The following CTNNB1 variants were observed in gnomAD, a reference collection of about 807,000 sequenced individuals.
CTNNB1 encodes the protein catenin beta-1.
A neutral mutation model predicts 82.5 loss-of-function variants in CTNNB1; 6 were observed. The ratio of observed to expected loss-of-function variants is 0.07; its 90% CI spans 0.04 to 0.14. The LOEUF (loss-of-function observed/expected upper bound fraction) is 0.14, where lower values mean the gene tolerates loss of function less well. Among genes scored for constraint, CTNNB1 ranks in the 10% least tolerant of loss-of-function variants. The pLI is 1.00. For synonymous variants in CTNNB1, 312 were observed against 329.7 expected, an observed-to-expected ratio of 0.95 and a Z score of 0.58; for missense variants, 529 against 980.4, an observed-to-expected ratio of 0.54 and a Z score of 6.15.
At chr3:41,226,142 G>C (rs1203760123) in intron 6 of CTNNB1, among the ~76,000 whole-genome samples, 1 of 152,146 alleles carries the variant, frequency 6.6e-6, no homozygotes, top group African/African-American at 2.4e-5. Flanking sequence ...CAGTTGATCT[G>C]ACAGGAGGTA....
intron 7 of CTNNB1, among the ~76,000 whole-genome samples, chr3:41,232,297 T>C (rs1248696246): frequency 6.6e-6 from 1 of 152,112 alleles, no homozygotes; most frequent in African/African-American, 2.4e-5. Context: ...AGGTAGTCAT[T>C]TCACAAATAC....
chr3:41,203,209 A>AT (rs112495114), intron 1 of CTNNB1, among the ~76,000 whole-genome samples: 140 of 146,772 alleles, frequency 9.5e-4, no homozygotes, highest in South Asian at 7.9e-3. Flanking sequence ...AATGCTTGTG[A>AT]TTTTTTTTTT....
intron 1 of CTNNB1, among the ~76,000 whole-genome samples, chr3:41,208,392 T>C (rs2077698476): frequency 6.6e-6 from 1 of 152,214 alleles, no homozygotes; most frequent in Non-Finnish European, 1.5e-5. Context: ...CTACCCTAAC[T>C]CAACTACATA....
In CTNNB1 at chr3:41,240,362, T is replaced by A. The variant is rs893558096; in HGVS notation, c.*1020T>A. On this transcript the variant is annotated 3_prime_UTR_variant, in exon 15 of 15. Transcript: ENST00000349496. ...TACCAGTTGCCTTTTATCCCAAAGT[T>A]GTTGTAACCTGCTGTGATACGATGC... 1.6e-5 allele frequency: 3 copies of A among 187,340 alleles called. No individual in the cohort carries two copies. The highest frequency in any genetic ancestry group is 4.7e-5 in the African/African-American group (2 of 42,782). 11.6% of individuals were successfully genotyped at this position (187,340 alleles called of 1,614,324 possible).
intron 1 of CTNNB1, among the ~76,000 whole-genome samples, chr3:41,215,635 T>C (rs533689617): frequency 1.3e-5 from 2 of 152,244 alleles, no homozygotes; most frequent in African/African-American, 4.8e-5. Context: ...AATTTCTTTC[T>C]TTAAAAGGTC....
In CTNNB1 at chr3:41,200,905, G is replaced by A. The variant is rs188311204; in HGVS notation, c.-49+1235G>A. ...CCCCCACCCCTCGAGTTTGTGAGTG[G>A]TGAATGAAGAAAGACTAGGCTGCTG... On this transcript the variant is annotated intron_variant, in intron 1 of 14. Coordinates refer to ENST00000349496, the MANE Select transcript of CTNNB1 (RefSeq NM_001904.4). 3.3e-4 allele frequency among the ~76,000 whole-genome samples: 51 copies of A among 152,296 alleles called. No individual in the cohort carries two copies. In the East Asian group the frequency reaches 7.1e-3, roughly 21 times the overall value.
chr3:41,204,256 A>AT (rs2077597388), intron 1 of CTNNB1, among the ~76,000 whole-genome samples: 1 of 152,004 alleles, frequency 6.6e-6, no homozygotes, highest in South Asian at 2.1e-4. Flanking sequence ...TTCTGTTCTG[A>AT]TTTTTCAAGA....
intron 1 of CTNNB1, among the ~76,000 whole-genome samples, chr3:41,217,704 A>G (rs980856014): frequency 2.6e-5 from 4 of 152,202 alleles, no homozygotes; most frequent in Non-Finnish European, 4.4e-5. Flanking sequence ...TATTAGCAGT[A>G]GATATTATCA....
chr3:41,224,653 T>C lies in CTNNB1; in HGVS notation c.141T>C (p.Ser47=). The C allele has an allele frequency of 1.9e-6, 3 of 1,613,936 alleles. No homozygotes were observed. Among genetic ancestry groups the C allele is most frequent in the Non-Finnish European group, 2.5e-6 (3 of 1,179,960 alleles). The change falls in exon 3 of 15, where the codon AGT becomes AGC. Residue 47 remains serine (S), a synonymous_variant. Transcript: ENST00000349496. ...CCACTACCACAGCTCCTTCTCTGAGTGGTAAAGGCAATCCTGAGGAAGAGG... is the reference window on the plus strand; with the variant it reads ...CCACTACCACAGCTCCTTCTCTGAGCGGTAAAGGCAATCCTGAGGAAGAGG... The part of the protein sequence containing the change: ...SGATTTAPSL[S]GKGNPEEEDV...
intron 7 of CTNNB1, among the ~76,000 whole-genome samples, chr3:41,231,618 A>G (rs3774370): frequency 0.03 from 4,538 of 152,296 alleles, 108 homozygotes; most frequent in African/African-American, 0.068. Flanking sequence ...AAGTATTTCT[A>G]TTATCTTAAA....
chr3:41,224,773 T>G lies in CTNNB1; in HGVS notation c.241+20T>G, dbSNP rs375741392. 271 of 1,608,110 alleles carry G rather than the reference T, an allele frequency of 1.7e-4. No individual in the cohort carries two copies. The highest frequency in any genetic ancestry group is 2.2e-4 in the Non-Finnish European group (259 of 1,175,020). On this transcript the variant is annotated intron_variant, in intron 3 of 14. Coordinates refer to ENST00000349496, the MANE Select transcript of CTNNB1 (RefSeq NM_001904.4). The stretch of plus-strand genomic sequence containing the variant: ...TAGCTGGTAAGAGTATTATTTTTCA[T>G]TGCCTTACTGAAAGTCAGAATGCAG...
At chr3:41,222,629 G>A (rs888170029) in intron 1 of CTNNB1, among the ~76,000 whole-genome samples, 2 of 152,172 alleles carry the variant, frequency 1.3e-5, no homozygotes, top group Non-Finnish European at 2.9e-5. Context: ...TACTAGGTCA[G>A]CCCACACAGA....
chr3:41,236,819 C>G (rs1559477371), intron 13 of CTNNB1, 110 bp downstream of exon 13: 4 of 1,439,220 alleles, frequency 2.8e-6, no homozygotes, highest in Non-Finnish European at 3.9e-6. Context: ...TGATGTTTCC[C>G]TGGCTTGAGT....
chr3:41,222,711 T>A (rs5743386), intron 1 of CTNNB1, among the ~76,000 whole-genome samples: 1 of 152,202 alleles, frequency 6.6e-6, no homozygotes, highest in African/African-American at 2.4e-5. Context: ...TATAAAAAAA[T>A]GTTCCTGGAA....
chr3:41,235,341 A>G (rs1000102695), intron 10 of CTNNB1: 13 of 252,200 alleles, frequency 5.2e-5, no homozygotes, highest in African/African-American at 2.5e-4. Context: ...CACCAAATAC[A>G]TGGAAGATAT....
chr3:41,236,105 T>A (rs2078429437), intron 11 of CTNNB1: 1 of 691,362 alleles, frequency 1.4e-6, no homozygotes, highest in Non-Finnish European at 2.4e-6. Flanking sequence ...CAACCAATTC[T>A]GGGTTTTCCA....
At chr3:41,220,378 A>AACACACACACC (rs1559464764) in intron 1 of CTNNB1, among the ~76,000 whole-genome samples, 6 of 145,760 alleles carry the variant, frequency 4.1e-5, no homozygotes, top group African/African-American at 1.6e-4. Flanking sequence ...TTGAGAACAC[A>AACACACACACC]CACACCCACA....
At chr3:41,205,825 A>G (rs1192621535) in intron 1 of CTNNB1, among the ~76,000 whole-genome samples, 1 of 152,186 alleles carries the variant, frequency 6.6e-6, no homozygotes, top group Non-Finnish European at 1.5e-5. Context: ...ACGATGGTGT[A>G]AAATACAAGC....
At chr3:41,202,499 A>G (rs1009218719) in intron 1 of CTNNB1, among the ~76,000 whole-genome samples, 1 of 152,210 alleles carries the variant, frequency 6.6e-6, no homozygotes, top group African/African-American at 2.4e-5. Flanking sequence ...TGTGGTATCT[A>G]TTGTTGAAAC....
Sources: gnomAD v4.1 joint callset for allele counts (sites outside exome capture counted in the v4.1 genomes callset) on GRCh38, gnomAD v4.1.1 for gene constraint, MANE v1.5 for transcripts, NCBI Gene and HGNC (gene_info 2026-07-23, HGNC 2026-07-21) for gene names.